PARP12: variants seen among roughly 807,000 people sequenced by gnomAD.
PARP12 encodes the protein protein mono-ADP-ribosyltransferase PARP12.
In PARP12, 59 loss-of-function variants were observed where a neutral mutation model predicts 72.4. The observed-to-expected ratio is 0.81, with a 90% CI of 0.66 to 1.01. PARP12 has a LOEUF of 1.01. Ranked by LOEUF, PARP12 falls within the 50% of genes least tolerant of loss-of-function variation. The pLI, the probability that PARP12 is intolerant of heterozygous loss-of-function variation, is 0.00. For synonymous variants in PARP12, 403 were observed against 371.4 expected, an observed-to-expected ratio of 1.09 and a Z score of -0.98; for missense variants, 851 against 914.0, an observed-to-expected ratio of 0.93 and a Z score of 0.89.
At chr7:140,026,919 T>C (rs1815760640) in intron 10 of PARP12, among the ~76,000 whole-genome samples, 1 of 152,192 alleles carries the variant, frequency 6.6e-6, no homozygotes, top group South Asian at 2.1e-4. Context: ...CTGAGACCCC[T>C]GCTGTCTAGC....
intron 3 of PARP12, among the ~76,000 whole-genome samples, chr7:140,055,712 T>A (rs1276605729): frequency 6.6e-6 from 1 of 152,246 alleles, no homozygotes; most frequent in Non-Finnish European, 1.5e-5. Context: ...TATTCAAGGC[T>A]GTAAGATACT....
intron 3 of PARP12, among the ~76,000 whole-genome samples, chr7:140,056,249 A>T (rs1362810901): frequency 6.6e-6 from 1 of 152,240 alleles, no homozygotes; most frequent in Non-Finnish European, 1.5e-5. Context: ...CTTTTTTAAA[A>T]AATAAGTATC....
rs145961421 is a variant in PARP12, at chr7:140,042,247, A to G, written c.987-408T>C. ...TGTATTAGGCGATGACATTTTCACAACCCTATGAGGTTGAGACTATTATCT... is the reference window on the plus strand; with the variant it reads ...TGTATTAGGCGATGACATTTTCACAGCCCTATGAGGTTGAGACTATTATCT... On this transcript the variant is annotated intron_variant, in intron 5 of 11. Coordinates refer to ENST00000263549, the MANE Select transcript of PARP12 (RefSeq NM_022750.4). Among the ~76,000 whole-genome samples the G allele has an allele frequency of 5.9e-5, 9 of 152,348 alleles. 1 individual carries two copies. The highest frequency in any genetic ancestry group is 6.8e-3 in the Middle Eastern group (2 of 294).
At chr7:140,040,010 C>G (rs568532389) in intron 6 of PARP12, among the ~76,000 whole-genome samples, 27 of 152,320 alleles carry the variant, frequency 1.8e-4, no homozygotes, top group African/African-American at 6.3e-4. Context: ...TGATGAGACA[C>G]CACCGGGGAA....
chr7:140,028,675 G>C lies in PARP12; in HGVS notation c.1435C>G (p.Pro479Ala), dbSNP rs1490778684. Residue 479 changes from proline to alanine, a missense_variant, in exon 9 of 12, where the codon CCA (proline) becomes GCA (alanine). Around this residue, in one of 3 missense-constraint regions of PARP12, gnomAD observed 347 missense variants for 396.1 expected, o/e 0.88. Transcript: ENST00000263549. ...TTMQTCNTKF[P>A]GPKSIPDYWD... Reference sequence around the variant, plus strand: ...TAGTCTGGGATGCTCTTCGGGCCTGGAAACTTGGTATTGCTACAAAAATGT... The same window carrying C: ...TAGTCTGGGATGCTCTTCGGGCCTGCAAACTTGGTATTGCTACAAAAATGT... 3.1e-6 allele frequency: 5 copies of C among 1,603,160 alleles called. No homozygotes were observed. The highest frequency in any genetic ancestry group is 1.7e-4 in the Middle Eastern group (1 of 6,038).
rs1214150248 is a variant in PARP12, at chr7:140,047,027, G to A, written c.863-20C>T. The stretch of plus-strand genomic sequence containing the variant: ...ACTTATCTGAAATAAAAACATAAAG[G>A]AGTAAGATAGCTGGGCAATACACAG... On this transcript the variant is annotated intron_variant, in intron 4 of 11. Coordinates refer to ENST00000263549, the MANE Select transcript of PARP12 (RefSeq NM_022750.4). The A allele has an allele frequency of 4.4e-6, 7 of 1,602,730 alleles. No individual in the cohort carries two copies. The South Asian group carries it at 4.5e-5, about 10-fold the overall frequency.
At chr7:140,046,236 G>A (rs184984879) in intron 5 of PARP12, among the ~76,000 whole-genome samples, 7 of 152,280 alleles carry the variant, frequency 4.6e-5, no homozygotes, top group Admixed American at 1.3e-4. Context: ...GCACGTAATT[G>A]TACTCTAAGT....
At chr7:140,034,378 T>TACACAC in intron 7 of PARP12, 47 bp from the exon 8 acceptor site, 1 of 1,442,390 alleles carries the variant, frequency 6.9e-7, no homozygotes, top group African/African-American at 1.4e-5. Context: ...TACATATACA[T>TACACAC]ACACACAGGA....
intron 7 of PARP12, among the ~76,000 whole-genome samples, chr7:140,035,915 A>AGGAGGAGGACAAGGAGGAGGAGGAGG (rs1816142305): frequency 1.8e-5 from 1 of 56,896 alleles, no homozygotes; most frequent in African/African-American, 1.0e-4. Flanking sequence ...GGAGGAGGAC[A>AGGAGGAGGACAAGGAGGAGGAGGAGG]AGGAGGAGGA....
At position 140,033,921 on chromosome 7, in the gene PARP12, CAAT is replaced by C. The variant is rs1267132366; in HGVS notation, c.1421+311_1421+313del. ...ATTTAAAAAATTCAAGTCTATGACTCAATGATTCCACAGAAAAGACAAACGGAT... is the reference window on the plus strand; with the variant it reads ...ATTTAAAAAATTCAAGTCTATGACTCGATTCCACAGAAAAGACAAACGGAT... On this transcript the variant is annotated intron_variant, in intron 8 of 11. Transcript: ENST00000263549. 8.8e-6 allele frequency: 9 copies of C among 1,022,168 alleles called. No homozygotes were observed. The East Asian group carries it at 6.5e-4, about 74-fold the overall frequency. The allele number at this position is 1,022,168 out of a possible 1,614,324, so 63.3% of individuals were successfully genotyped here. A position where few individuals can be genotyped will look rare whatever the true frequency, so the allele number is the denominator to read the frequency against.
chr7:140,037,688 G>C, intron 7 of PARP12, 27 bp downstream of exon 7: 2 of 1,609,822 alleles, frequency 1.2e-6, no homozygotes, highest in South Asian at 2.2e-5. Context: ...GGCAGGCTCT[G>C]CTGGGCGAGG....
intron 10 of PARP12, among the ~76,000 whole-genome samples, 197 bp downstream of exon 10, chr7:140,027,079 G>C (rs947919959): frequency 6.6e-6 from 1 of 152,144 alleles, no homozygotes; most frequent in Non-Finnish European, 1.5e-5. Flanking sequence ...AAGCCTCGGT[G>C]CCCTCATCTC....
chr7:140,047,120 T>C, intron 4 of PARP12, 113 bp from the exon 5 acceptor site: 1 of 1,250,464 alleles, frequency 8.0e-7, no homozygotes, highest in Non-Finnish European at 1.1e-6. Context: ...TTCTGAAATG[T>C]GTGGTGGAGT....
chr7:140,027,600 A>C, intron 9 of PARP12, 194 bp from the exon 10 acceptor site: 1 of 510,818 alleles, frequency 2.0e-6, no homozygotes, highest in Admixed American at 3.3e-5. Context: ...AGGTTCTTGG[A>C]AACTGCAATT....
intron 1 of PARP12, among the ~76,000 whole-genome samples, 164 bp downstream of exon 1, chr7:140,062,358 C>T (rs1351682390): frequency 3.9e-5 from 6 of 152,152 alleles, no homozygotes; most frequent in Non-Finnish European, 5.9e-5. Flanking sequence ...CCAGGTACTC[C>T]GCAGGTGCTC....
At chr7:140,043,924 C>A (rs1816603243) in intron 5 of PARP12, among the ~76,000 whole-genome samples, 1 of 152,104 alleles carries the variant, frequency 6.6e-6, no homozygotes, top group Non-Finnish European at 1.5e-5. Flanking sequence ...AACTAATGAA[C>A]TGAGAGCCTG....
In PARP12 at chr7:140,024,818, C is replaced by G. The variant is rs375746909; in HGVS notation, c.1848G>C (p.Thr616=). 1 of 1,614,028 alleles carries G rather than the reference C, an allele frequency of 6.2e-7. No individual in the cohort carries two copies. The highest frequency in any genetic ancestry group is 1.3e-5 in the African/African-American group (1 of 74,904). Residue 616 remains threonine (T), a synonymous_variant, in exon 12 of 12, where the codon ACG becomes ACC. Transcript: ENST00000263549. ...HYSKSDTQTH[T]MFLARVLVGE... ...CCACCAGCACCCGGGCCAGGAACATCGTGTGGGTCTGCGTGTCGGATTTGC... is the reference window on the plus strand; with the variant it reads ...CCACCAGCACCCGGGCCAGGAACATGGTGTGGGTCTGCGTGTCGGATTTGC...
At chr7:140,038,507 A>T (rs952553280) in intron 6 of PARP12, among the ~76,000 whole-genome samples, 1 of 152,154 alleles carries the variant, frequency 6.6e-6, no homozygotes, top group African/African-American at 2.4e-5. Context: ...GAATAATAGT[A>T]CTTAGGCCAT....
intron 6 of PARP12, among the ~76,000 whole-genome samples, chr7:140,038,994 T>G (rs1353302611): frequency 6.6e-6 from 1 of 152,178 alleles, no homozygotes; most frequent in African/African-American, 2.4e-5. Flanking sequence ...CAGCAAAGGT[T>G]TCTTGGAAGA....
Sources: allele counts gnomAD v4.1 joint callset (sites outside exome capture counted in the v4.1 genomes callset), GRCh38; gene constraint gnomAD v4.1.1; regional missense constraint gnomAD v4.1.1; transcripts MANE v1.5; gene names NCBI Gene and HGNC (gene_info 2026-07-23, HGNC 2026-07-21).